Variants in WWOX observed in about 807,000 individuals in gnomAD.
The protein encoded by WWOX is WW domain-containing oxidoreductase.
In WWOX, 69 loss-of-function variants were observed where a neutral mutation model predicts 46.2. The observed-to-expected ratio is 1.49, with a 90% CI of 1.23 to 1.82. The LOEUF is 1.82. Ranked by LOEUF, WWOX falls within the 40% of genes most tolerant of loss-of-function variation. The probability of loss-of-function intolerance (pLI) is 0.00; values close to 1 mark genes in which losing one functional copy is unlikely to be tolerated. For synonymous variants in WWOX, 359 were observed against 202.6 expected (o/e 1.77, Z -6.56); for missense variants, 919 against 542.6 (o/e 1.69, Z -6.89).
chr16:78,917,656 T>C (rs2151264862), intron 8 of WWOX, among the ~76,000 whole-genome samples: 1 of 152,256 alleles, frequency 6.6e-6, no homozygotes, highest in Admixed American at 6.5e-5. Context: ...TAACTTGCCA[T>C]TTAATATCTC....
chr16:79,045,567 C>G (rs1482273290), intron 8 of WWOX, among the ~76,000 whole-genome samples: 1 of 152,056 alleles, frequency 6.6e-6, no homozygotes, highest in Admixed American at 6.5e-5. Context: ...AACACGGAGG[C>G]AGAATTTAAA....
At chr16:78,181,280 A>G (rs2035525223) in intron 5 of WWOX, among the ~76,000 whole-genome samples, 1 of 151,990 alleles carries the variant, frequency 6.6e-6, no homozygotes, top group South Asian at 2.1e-4. Context: ...CATCGTGGTG[A>G]CGGTGTGTGT....
intron 5 of WWOX, among the ~76,000 whole-genome samples, chr16:78,384,533 C>T (rs1302167312): frequency 6.6e-6 from 1 of 152,170 alleles, no homozygotes; most frequent in Non-Finnish European, 1.5e-5. Flanking sequence ...GACTTCACCA[C>T]ATGCCTTCAA....
At chr16:79,140,255 C>T (rs1214988616) in intron 8 of WWOX, among the ~76,000 whole-genome samples, 3 of 152,200 alleles carry the variant, frequency 2.0e-5, no homozygotes, top group Admixed American at 6.5e-5. Flanking sequence ...CTGAAATGCA[C>T]GCTCTGAGCA....
At chr16:78,674,990 C>G (rs886149682) in intron 8 of WWOX, among the ~76,000 whole-genome samples, 2 of 151,896 alleles carry the variant, frequency 1.3e-5, no homozygotes, top group Non-Finnish European at 2.9e-5. Flanking sequence ...CCATGCTTAC[C>G]TTGAAGAGTT....
chr16:78,352,151 T>G (rs569025138), intron 5 of WWOX, among the ~76,000 whole-genome samples: 9 of 152,230 alleles, frequency 5.9e-5, no homozygotes, highest in Admixed American at 3.9e-4. Flanking sequence ...TGTGAGCATA[T>G]GCAGGCCAGA....
At chr16:78,771,707 G>A (rs572058218) in intron 8 of WWOX, among the ~76,000 whole-genome samples, 9 of 152,074 alleles carry the variant, frequency 5.9e-5, no homozygotes, top group African/African-American at 1.2e-4. Context: ...AGGAGGTGGA[G>A]GTTGCAGTGA....
intron 8 of WWOX, among the ~76,000 whole-genome samples, chr16:79,209,666 T>G (rs746753542): frequency 9.8e-5 from 15 of 152,296 alleles, no homozygotes; most frequent in Middle Eastern, 3.4e-3. Flanking sequence ...AAACACCATC[T>G]CCACCAGAAC....
chr16:78,575,878 T>A (rs1192087987), intron 8 of WWOX, among the ~76,000 whole-genome samples: 2 of 151,744 alleles, frequency 1.3e-5, no homozygotes, highest in Non-Finnish European at 2.9e-5. Flanking sequence ...AAAAATCAAT[T>A]TTCGTAAGGT....
chr16:78,829,576 A>G (rs552908023), intron 8 of WWOX, among the ~76,000 whole-genome samples: 78 of 151,652 alleles, frequency 5.1e-4, no homozygotes, highest in Admixed American at 2.8e-3. Flanking sequence ...CCTTCTTTTT[A>G]TTTTTGGTGT....
intron 8 of WWOX, among the ~76,000 whole-genome samples, chr16:78,865,848 C>T (rs1483962418): frequency 6.6e-6 from 1 of 152,220 alleles, no homozygotes; most frequent in Non-Finnish European, 1.5e-5. Context: ...CACCGCACTC[C>T]AGCCTGGGCG....
rs1337791698 is a variant in WWOX, at chr16:78,420,812, T to C, written c.606-4058T>C. ...TAAAGTTCTTTAATAAATTAGCTAA[T>C]GCTTATTGTAGAAAAGTTGGAAAAT... On this transcript the variant is annotated intron_variant, in intron 6 of 8. Coordinates refer to ENST00000566780, the MANE Select transcript of WWOX (RefSeq NM_016373.4). Among the ~76,000 whole-genome samples the C allele has an allele frequency of 2.6e-5, 4 of 152,236 alleles. No homozygotes were observed. In the East Asian group the frequency reaches 7.7e-4, roughly 29 times the overall value.
At chr16:79,182,924 A>C (rs1346268543) in intron 8 of WWOX, among the ~76,000 whole-genome samples, 1 of 152,206 alleles carries the variant, frequency 6.6e-6, no homozygotes, top group East Asian at 1.9e-4. Flanking sequence ...CATCCTCAGA[A>C]AGTAGGCTGA....
chr16:78,344,451 C>A lies in WWOX; in HGVS notation c.517-42409C>A, dbSNP rs2151901991. 1.6e-5 allele frequency among the ~76,000 whole-genome samples: 2 copies of A among 121,576 alleles called. 1 individual carries two copies. The highest frequency in any genetic ancestry group is 4.9e-4 in the South Asian group (2 of 4,070). 79.8% of individuals were successfully genotyped at this position (121,576 alleles called of 152,430 possible). On this transcript the variant is annotated intron_variant, in intron 5 of 8. Transcript: ENST00000566780. ...GGAAGATGGAATTACCACGAGGAAC[C>A]TGTTCTCTTATGTTTCTGCTTAGAT...
intron 8 of WWOX, among the ~76,000 whole-genome samples, chr16:78,968,575 C>A (rs554318968): frequency 6.6e-6 from 1 of 152,302 alleles, no homozygotes; most frequent in South Asian, 2.1e-4. Context: ...ACTTTGACCT[C>A]AGAGCAATGG....
At chr16:78,885,881 G>C (rs925477724) in intron 8 of WWOX, among the ~76,000 whole-genome samples, 1 of 151,350 alleles carries the variant, frequency 6.6e-6, no homozygotes, top group South Asian at 2.1e-4. Context: ...ACTCAGTTTA[G>C]AGTTGAGTTT....
In WWOX at chr16:78,592,631, C is replaced by T. The variant is rs957225370; in HGVS notation, c.1056+159879C>T. Among the ~76,000 whole-genome samples, 5 of 152,150 alleles carry T rather than the reference C, an allele frequency of 3.3e-5. No individual in the cohort carries two copies. The East Asian group carries it at 9.6e-4, about 29-fold the overall frequency. On this transcript the variant is annotated intron_variant, in intron 8 of 8. Coordinates refer to ENST00000566780, the MANE Select transcript of WWOX (RefSeq NM_016373.4). ...GCCAGAGCTGGAAGACAAGGCCTGGCATATTTTGGCAGGCCTGGATCAGAG... is the reference window on the plus strand; with the variant it reads ...GCCAGAGCTGGAAGACAAGGCCTGGTATATTTTGGCAGGCCTGGATCAGAG...
At chr16:78,644,895 G>T (rs1468241763) in intron 8 of WWOX, among the ~76,000 whole-genome samples, 1 of 152,204 alleles carries the variant, frequency 6.6e-6, no homozygotes, top group Non-Finnish European at 1.5e-5. Context: ...GGCATGTTAG[G>T]AATATAGATA....
chr16:78,590,935 A>G (rs945678058), intron 8 of WWOX, among the ~76,000 whole-genome samples: 1 of 152,178 alleles, frequency 6.6e-6, no homozygotes, highest in Non-Finnish European at 1.5e-5. Context: ...GTTTCTGCAC[A>G]CGTATGGAGG....
Sources: gnomAD v4.1 joint callset for allele counts (sites outside exome capture counted in the v4.1 genomes callset) on GRCh38, gnomAD v4.1.1 for gene constraint, MANE v1.5 for transcripts, NCBI Gene and HGNC (gene_info 2026-07-23, HGNC 2026-07-21) for gene names.